Variants in RPS6KA2 observed in about 807,000 individuals in gnomAD.
The protein encoded by RPS6KA2 is ribosomal protein S6 kinase A2.
Under a neutral mutation model 91.8 loss-of-function variants are expected in RPS6KA2, and 42 were observed. The observed-to-expected ratio is 0.46, with a 90% CI of 0.36 to 0.59. The LOEUF is 0.59. RPS6KA2 is among the 20% of genes least tolerant of loss of function. RPS6KA2 has a pLI of 0.00. For synonymous variants in RPS6KA2, 414 were observed against 393.6 expected (o/e 1.05, Z -0.61); for missense variants, 798 against 978.5 (o/e 0.82, Z 2.46).
At chr6:166,485,659 C>G (rs1245157348) in intron 10 of RPS6KA2, among the ~76,000 whole-genome samples, 1 of 152,184 alleles carries the variant, frequency 6.6e-6, no homozygotes, top group Non-Finnish European at 1.5e-5. Flanking sequence ...CATCTGTCTC[C>G]AAACACGCCC....
rs1459675507 is a variant in RPS6KA2, at chr6:166,704,317, C to T, written c.123+153883G>A. Among the ~76,000 whole-genome samples the T allele has an allele frequency of 2.0e-5, 3 of 152,242 alleles. No homozygotes were observed. The South Asian group carries it at 6.2e-4, about 31-fold the overall frequency. ...AGGTAGTTAGCATTCGCCACCCACA[C>T]ACCTGGCCCAACAGGAACACTGACG... On this transcript the variant is annotated intron_variant, in intron 2 of 21. Coordinates refer to the RPS6KA2 transcript ENST00000503859.
At chr6:166,782,441 A>C (rs1301629769) in intron 2 of RPS6KA2, among the ~76,000 whole-genome samples, 1 of 152,148 alleles carries the variant, frequency 6.6e-6, no homozygotes, top group Admixed American at 6.6e-5. Context: ...TTGAAGATGG[A>C]GACTCGGGTA....
At chr6:166,506,623 A>C (rs540564309) in intron 5 of RPS6KA2, among the ~76,000 whole-genome samples, 1 of 152,246 alleles carries the variant, frequency 6.6e-6, no homozygotes, top group East Asian at 1.9e-4. Flanking sequence ...GCCCCACAGA[A>C]ACGTGCACCA....
intron 10 of RPS6KA2, among the ~76,000 whole-genome samples, chr6:166,485,129 T>TG (rs1269202858): frequency 2.6e-5 from 4 of 151,988 alleles, no homozygotes; most frequent in Admixed American, 6.6e-5. Flanking sequence ...CAGGGCTGTG[T>TG]GGGGGAGGCT....
chr6:166,818,837 G>A (rs1033331608), intron 2 of RPS6KA2, among the ~76,000 whole-genome samples: 14 of 151,812 alleles, frequency 9.2e-5, no homozygotes, highest in Non-Finnish European at 1.6e-4. Flanking sequence ...ACGTGTTCCC[G>A]CTGATAACTG....
chr6:166,572,707 C>T (rs1467333489), intron 1 of RPS6KA2, among the ~76,000 whole-genome samples: 3 of 152,230 alleles, frequency 2.0e-5, no homozygotes, highest in Admixed American at 2.0e-4. Context: ...CCCTTTCCTC[C>T]TGCCTGTGAC....
chr6:166,524,916 GC>G (rs1464948386), intron 3 of RPS6KA2, among the ~76,000 whole-genome samples: 1 of 152,156 alleles, frequency 6.6e-6, no homozygotes, highest in Non-Finnish European at 1.5e-5. Flanking sequence ...CTCCATGTTG[GC>G]AGTGCCCTAG....
At chr6:166,751,185 G>GCC (rs1026984168) in intron 2 of RPS6KA2, among the ~76,000 whole-genome samples, 6 of 152,196 alleles carry the variant, frequency 3.9e-5, no homozygotes, top group African/African-American at 1.4e-4. Flanking sequence ...AGTTTTGCCA[G>GCC]CCCCGTGCTC....
intron 16 of RPS6KA2, among the ~76,000 whole-genome samples, chr6:166,425,078 A>C (rs1432052580): frequency 6.6e-6 from 1 of 151,870 alleles, no homozygotes; most frequent in Admixed American, 6.6e-5. Context: ...TGGAAGGGAA[A>C]CTCCTCTAGA....
chr6:166,422,284 C>A (rs1778749831), intron 17 of RPS6KA2, among the ~76,000 whole-genome samples: 1 of 152,220 alleles, frequency 6.6e-6, no homozygotes, highest in African/African-American at 2.4e-5. Context: ...CTCAGTCCAG[C>A]CCCTGGCTGC....
chr6:166,833,680 C>T (rs561396109), intron 2 of RPS6KA2, among the ~76,000 whole-genome samples: 2 of 152,286 alleles, frequency 1.3e-5, no homozygotes, highest in South Asian at 4.1e-4. Context: ...ACTTGTGTTG[C>T]TGCAGTCACC....
intron 1 of RPS6KA2, among the ~76,000 whole-genome samples, chr6:166,546,054 G>A (rs141058531): frequency 8.1e-4 from 123 of 152,318 alleles, no homozygotes; most frequent in Non-Finnish European, 1.5e-3. Flanking sequence ...TGGGGTGTTG[G>A]TGTCTGACAC....
chr6:166,472,932 G>A (rs754156589), intron 10 of RPS6KA2, among the ~76,000 whole-genome samples: 10 of 152,180 alleles, frequency 6.6e-5, no homozygotes, highest in Non-Finnish European at 1.2e-4. Context: ...GCAATTTGTC[G>A]TTAAGTTCCT....
At chr6:166,614,208 T>A (rs771835443) in intron 1 of RPS6KA2, among the ~76,000 whole-genome samples, 6 of 152,212 alleles carry the variant, frequency 3.9e-5, no homozygotes, top group Non-Finnish European at 7.3e-5. Context: ...ATGTTTGAGA[T>A]CAGTACATTT....
intron 2 of RPS6KA2, among the ~76,000 whole-genome samples, chr6:166,687,081 G>A (rs527907690): frequency 1.3e-5 from 2 of 152,128 alleles, no homozygotes; most frequent in Non-Finnish European, 2.9e-5. Flanking sequence ...GGACACCTGC[G>A]ACTCTGCCTG....
Position 166,567,142 on chromosome 6 carries a change from G to A in RPS6KA2, c.100-28358C>T, listed in dbSNP as rs989099297. Among the ~76,000 whole-genome samples, 13 of 152,178 alleles carry A rather than the reference G, an allele frequency of 8.5e-5. No homozygotes were observed. In the South Asian group the frequency reaches 1.2e-3, roughly 15 times the overall value. On this transcript the variant is annotated intron_variant, in intron 1 of 20. Coordinates refer to ENST00000265678, the MANE Select transcript of RPS6KA2 (RefSeq NM_021135.6). ...ACACAGAGGCCTTCGCTGCCCTTCC[G>A]CAGAACACCCTGCTTGCTACCCACA...
chr6:166,766,110 T>G (rs1778304999), intron 2 of RPS6KA2, among the ~76,000 whole-genome samples: 1 of 152,218 alleles, frequency 6.6e-6, no homozygotes, highest in African/African-American at 2.4e-5. Flanking sequence ...GGGGTTGCAT[T>G]GGTAAGTGGC....
intron 2 of RPS6KA2, chr6:166,702,258 G>T: frequency 1.2e-6 from 2 of 1,613,170 alleles, no homozygotes; most frequent in African/African-American, 2.7e-5. Context: ...CATGGTTTCT[G>T]CTTGGACACG....
intron 2 of RPS6KA2, among the ~76,000 whole-genome samples, chr6:166,855,435 A>G (rs9347160): frequency 0.3 from 19,956 of 67,392 alleles, 1,711 homozygotes; most frequent in Non-Finnish European, 0.52. Context: ...AAGAGGAAGA[A>G]GAGGAAGAAG....
Sources: allele counts gnomAD v4.1 joint callset (sites outside exome capture counted in the v4.1 genomes callset), GRCh38; gene constraint gnomAD v4.1.1; transcripts MANE v1.5; gene names NCBI Gene and HGNC (gene_info 2026-07-23, HGNC 2026-07-21).